Variants in TMBIM4 observed in about 807,000 individuals in gnomAD.
TMBIM4 encodes protein lifeguard 4.
In TMBIM4, 28 loss-of-function variants were observed where a neutral mutation model predicts 27.7. The ratio of observed to expected loss-of-function variants is 1.01; its 90% CI spans 0.75 to 1.38. The LOEUF (loss-of-function observed/expected upper bound fraction) is 1.38, where lower values mean the gene tolerates loss of function less well. TMBIM4 is among the 40% of genes most tolerant of loss of function. The pLI is 0.00. For synonymous variants in TMBIM4, 115 were observed against 113.1 expected (o/e 1.02, Z -0.11); for missense variants, 265 against 277.5 (o/e 0.95, Z 0.32).
intron 3 of TMBIM4, 24 bp from the exon 4 acceptor site, chr12:66,147,965 G>C (rs1357663953): frequency 6.2e-7 from 1 of 1,604,326 alleles, no homozygotes; most frequent in Non-Finnish European, 8.5e-7. Context: ...ACTTAAATTA[G>C]TGACTGTAAA....
chr12:66,140,491 CAG>C (rs1202828126), intron 5 of TMBIM4, among the ~76,000 whole-genome samples: 5 of 151,816 alleles, frequency 3.3e-5, no homozygotes, highest in Non-Finnish European at 7.4e-5. Flanking sequence ...ACAAAAAAAA[CAG>C]AACAGTGAAT....
intron 3 of TMBIM4, among the ~76,000 whole-genome samples, chr12:66,150,443 C>T (rs529260964): frequency 6.8e-6 from 1 of 146,612 alleles, no homozygotes; most frequent in Admixed American, 6.7e-5. Context: ...AAGACAGGGT[C>T]TCACTCTGTC....
chr12:66,164,746 T>C (rs1008412246), intron 1 of TMBIM4, among the ~76,000 whole-genome samples: 16 of 152,096 alleles, frequency 1.1e-4, no homozygotes, highest in African/African-American at 3.1e-4. Flanking sequence ...GCCAGAACAA[T>C]TGGGCAAGAA....
rs139575428 is a variant in TMBIM4, at chr12:66,136,442, T to C, written c.*1518A>G. The C allele has an allele frequency of 3.1e-4, 48 of 154,456 alleles. No homozygotes were observed. In the South Asian group the frequency reaches 5.5e-3, roughly 18 times the overall value. The allele number at this position is 154,456 out of a possible 1,614,324, so 9.6% of individuals were successfully genotyped here. On this transcript the variant is annotated 3_prime_UTR_variant, in exon 7 of 7. Transcript: ENST00000358230. ...ATACTACAAGTTTATTTCAACTTAA[T>C]AGCTGGGAAATACTTAGGGGGTGTT...
intron 1 of TMBIM4, among the ~76,000 whole-genome samples, chr12:66,166,750 C>T (rs1458363782): frequency 1.3e-5 from 2 of 152,170 alleles, no homozygotes; most frequent in African/African-American, 4.8e-5. Flanking sequence ...TCTTATGAAA[C>T]TAAACATTCT....
intron 1 of TMBIM4, among the ~76,000 whole-genome samples, chr12:66,163,532 G>C (rs1037461836): frequency 3.3e-5 from 5 of 152,228 alleles, no homozygotes; most frequent in African/African-American, 9.6e-5. Context: ...CAAGCAAAAG[G>C]GGGAAAGGGC....
chr12:66,149,426 C>T (rs1167490735), intron 3 of TMBIM4, among the ~76,000 whole-genome samples: 4 of 116,776 alleles, frequency 3.4e-5, no homozygotes, highest in Non-Finnish European at 6.6e-5. Context: ...GCCTGGGTGA[C>T]AGAGAGAGAC....
intron 1 of TMBIM4, among the ~76,000 whole-genome samples, 174 bp downstream of exon 1, chr12:66,169,681 C>T (rs2052201401): frequency 6.6e-6 from 1 of 152,200 alleles, no homozygotes; most frequent in Non-Finnish European, 1.5e-5. Flanking sequence ...CTCCCCGACT[C>T]CCTGAGGAGG....
At chr12:66,138,635 C>T in intron 6 of TMBIM4, 89 bp downstream of exon 6, 1 of 901,210 alleles carries the variant, frequency 1.1e-6, no homozygotes, top group East Asian at 2.9e-5. Context: ...AGTGTCCTAT[C>T]ATAAGAGTAT....
chr12:66,144,852 AT>A (rs1275337408), intron 5 of TMBIM4: 1 of 152,170 alleles, frequency 6.6e-6, no homozygotes, highest in Non-Finnish European at 1.5e-5. Context: ...CTGTAATACC[AT>A]TTCTATCAAT....
chr12:66,144,185 A>T (rs2051714824), intron 5 of TMBIM4, among the ~76,000 whole-genome samples: 1 of 152,148 alleles, frequency 6.6e-6, no homozygotes, highest in Non-Finnish European at 1.5e-5. Context: ...TGGTTGTAGT[A>T]ATACAGGTAA....
intron 4 of TMBIM4, among the ~76,000 whole-genome samples, chr12:66,146,334 A>G (rs1296757381): frequency 1.3e-5 from 2 of 152,188 alleles, no homozygotes; most frequent in Non-Finnish European, 2.9e-5. Flanking sequence ...TTAAATATCA[A>G]TAGGGATGAT....
Position 66,169,987 on chromosome 12 carries a change from A to G in TMBIM4, c.-36T>C. The G allele has an allele frequency of 1.4e-6, 2 of 1,404,976 alleles. No homozygotes were observed. The highest frequency in any genetic ancestry group is 1.9e-6 in the Non-Finnish European group (2 of 1,054,820). The allele number at this position is 1,404,976 out of a possible 1,614,324, so 87.0% of individuals were successfully genotyped here. On this transcript the variant is annotated 5_prime_UTR_variant, in exon 1 of 7. Transcript: ENST00000358230. Reference sequence around the variant, plus strand: ...GCACCCCTACCGGTCCCGGTCCACTAACCGCAACCGCCTCCTCCCCACTTC... The same window carrying G: ...GCACCCCTACCGGTCCCGGTCCACTGACCGCAACCGCCTCCTCCCCACTTC...
At chr12:66,148,706 GTCAT>G (rs1319610875) in intron 3 of TMBIM4, among the ~76,000 whole-genome samples, 1 of 152,114 alleles carries the variant, frequency 6.6e-6, no homozygotes, top group Non-Finnish European at 1.5e-5. Flanking sequence ...TCACTAAATT[GTCAT>G]TCAAATTTTT....
chr12:66,160,996 C>G (rs56271210), intron 1 of TMBIM4: 335 of 135,472 alleles, frequency 2.5e-3, no homozygotes, highest in East Asian at 0.017. Context: ...CTTCCCAGAC[C>G]GGGCAGCGGC....
At chr12:66,152,249 T>C (rs762814573) in intron 3 of TMBIM4, 22 bp downstream of exon 3, 23 of 1,425,596 alleles carry the variant, frequency 1.6e-5, no homozygotes, top group Non-Finnish European at 2.0e-5. Context: ...GTTAAGGGAA[T>C]AGAGAAAGTC....
In TMBIM4 at chr12:66,169,541, A is replaced by T. The variant is rs11550108; in HGVS notation, c.97+314T>A. 5 of 480,198 alleles carry T rather than the reference A, an allele frequency of 1.0e-5. 1 individual carries two copies. The South Asian group carries it at 1.8e-4, about 17-fold the overall frequency. The allele number at this position is 480,198 out of a possible 1,614,324, so 29.7% of individuals were successfully genotyped here. On this transcript the variant is annotated intron_variant, in intron 1 of 6. Transcript: ENST00000358230. ...CTTTTCACTTCAAGATGCCAAATTC[A>T]GGCTGCGGCGGTTTCCATCTGTCCC...
rs1396030330 is a variant in TMBIM4, at chr12:66,169,923, C to T, written c.29G>A (p.Arg10His). 8 of 1,494,380 alleles carry T rather than the reference C, an allele frequency of 5.4e-6. No homozygotes were observed. Among genetic ancestry groups the T allele is most frequent in the Non-Finnish European group, 6.2e-6 (7 of 1,123,920 alleles). 92.6% of individuals were successfully genotyped at this position (1,494,380 alleles called of 1,614,324 possible). Reference protein sequence around the residue: MADPDPRYPRSSIEDDFNYG... With the variant: MADPDPRYPHSSIEDDFNYG... Reference sequence around the variant, plus strand: ...GTTGAAGTCGTCCTCGATCGAGGAGCGAGGGTACCGGGGGTCGGGGTCAGC... The same window carrying T: ...GTTGAAGTCGTCCTCGATCGAGGAGTGAGGGTACCGGGGGTCGGGGTCAGC... The change falls in exon 1 of 7, where the codon CGC becomes CAC. Residue 10 changes from arginine to histidine, a missense_variant. Arg to His is a conservative substitution (Grantham distance 29). Transcript: ENST00000358230.
chr12:66,149,596 G>A (rs1025659948), intron 3 of TMBIM4, among the ~76,000 whole-genome samples: 4 of 151,906 alleles, frequency 2.6e-5, no homozygotes, highest in African/African-American at 7.3e-5. Context: ...GTATAAATAA[G>A]AGTTAAGATA....
Sources: gnomAD v4.1 joint callset for allele counts (sites outside exome capture counted in the v4.1 genomes callset) on GRCh38, gnomAD v4.1.1 for gene constraint, MANE v1.5 for transcripts, NCBI Gene and HGNC (gene_info 2026-07-23, HGNC 2026-07-21) for gene names.